CDH23: variants seen among roughly 807,000 people sequenced by gnomAD.
The protein encoded by CDH23 is cadherin related 23.
Under a neutral mutation model 317.1 loss-of-function variants are expected in CDH23, and 189 were observed. That is an observed-to-expected ratio of 0.60 (90% confidence interval 0.53 to 0.67). The LOEUF (loss-of-function observed/expected upper bound fraction) is 0.67, where lower values mean the gene tolerates loss of function less well. CDH23 is among the 30% of genes least tolerant of loss of function. The pLI is 0.00. For missense variants in CDH23, 4,401 were observed against 4,592.4 expected, an observed-to-expected ratio of 0.96 and a Z score of 1.20; for synonymous variants, 1,839 against 1,876.8, an observed-to-expected ratio of 0.98 and a Z score of 0.52.
chr10:71,514,612 AGTTT>A (rs1427612993), intron 6 of CDH23, among the ~76,000 whole-genome samples: 4 of 151,934 alleles, frequency 2.6e-5, no homozygotes, highest in African/African-American at 7.3e-5. Flanking sequence ...TGTGTGTTTG[AGTTT>A]GTTTGTTCTC....
intron 3 of CDH23, among the ~76,000 whole-genome samples, chr10:71,457,297 G>A (rs780870832): frequency 1.3e-5 from 2 of 152,176 alleles, no homozygotes; most frequent in South Asian, 2.1e-4. Flanking sequence ...TACTAGTTAG[G>A]TTACCTGCAC....
At chr10:71,683,390 G>A (rs1405026385) in intron 18 of CDH23, among the ~76,000 whole-genome samples, 1 of 152,264 alleles carries the variant, frequency 6.6e-6, no homozygotes, top group Non-Finnish European at 1.5e-5. Flanking sequence ...TCACCCTGGA[G>A]CAGACATGCT....
At chr10:71,591,653 A>G (rs1477911607) in intron 9 of CDH23, among the ~76,000 whole-genome samples, 1 of 152,218 alleles carries the variant, frequency 6.6e-6, no homozygotes, top group African/African-American at 2.4e-5. Context: ...AGTTTCATAC[A>G]TATATAGCAG....
At chr10:71,456,786 G>A (rs1421178165) in intron 3 of CDH23, among the ~76,000 whole-genome samples, 1 of 152,200 alleles carries the variant, frequency 6.6e-6, no homozygotes, top group African/African-American at 2.4e-5. Flanking sequence ...GCAAAAAAGT[G>A]AGTCTTATAA....
At chr10:71,549,441 C>T (rs963924916) in intron 6 of CDH23, among the ~76,000 whole-genome samples, 1 of 152,250 alleles carries the variant, frequency 6.6e-6, no homozygotes, top group African/African-American at 2.4e-5. Flanking sequence ...CTCTTGACCA[C>T]TGAGCTGAAC....
intron 38 of CDH23, among the ~76,000 whole-genome samples, chr10:71,760,203 A>G (rs1840324193): frequency 2.3e-5 from 1 of 44,076 alleles, no homozygotes; most frequent in African/African-American, 1.2e-4. Flanking sequence ...ATATACATAT[A>G]TATGTGTGTA....
chr10:71,515,390 TCTCTCACA>T (rs779307153), intron 6 of CDH23, among the ~76,000 whole-genome samples: 2,391 of 58,564 alleles, frequency 0.041, 30 homozygotes, highest in Non-Finnish European at 0.056. Flanking sequence ...TCTCTCTCTC[TCTCTCACA>T]CACACACACA....
In CDH23 at chr10:71,706,895, A is replaced by G. The variant is rs1865810132; in HGVS notation, c.2954-2A>G. On this transcript the variant is annotated splice_acceptor_variant, in intron 25 of 69. Coordinates refer to ENST00000224721, the MANE Select transcript of CDH23 (RefSeq NM_022124.6). LOFTEE classifies it high-confidence loss of function. ...AGCCCCGGCGCCCGTTCTGCCCCGC[A>G]GTGCTGGATGTGAACGACGAGACGC... The G allele has an allele frequency of 6.3e-7, 1 of 1,595,942 alleles. No individual in the cohort carries two copies. Among genetic ancestry groups the G allele is most frequent in the African/African-American group, 1.3e-5 (1 of 74,492 alleles).
At chr10:71,539,921 G>T (rs1425168681) in intron 6 of CDH23, among the ~76,000 whole-genome samples, 1 of 152,082 alleles carries the variant, frequency 6.6e-6, no homozygotes, top group Non-Finnish European at 1.5e-5. Flanking sequence ...CCTTTGTCTT[G>T]TTAAATGGTG....
chr10:71,430,271 C>T (rs1849307686), intron 1 of CDH23, among the ~76,000 whole-genome samples: 1 of 151,758 alleles, frequency 6.6e-6, no homozygotes, highest in Non-Finnish European at 1.5e-5. Flanking sequence ...GGATCAGGAG[C>T]CTCTGCTGTC....
intron 14 of CDH23, among the ~76,000 whole-genome samples, chr10:71,666,925 T>G (rs890307110): frequency 7.9e-5 from 12 of 152,252 alleles, no homozygotes; most frequent in African/African-American, 2.9e-4. Flanking sequence ...GCACCGGGGC[T>G]CCACAGAGCT....
intron 1 of CDH23, among the ~76,000 whole-genome samples, chr10:71,406,004 A>T (rs946401982): frequency 3.0e-5 from 4 of 133,046 alleles, no homozygotes; most frequent in East Asian, 4.4e-4. Context: ...GGAAAAAGTT[A>T]AAAAAAGCAG....
Position 71,734,281 on chromosome 10 carries a change from C to T in CDH23, c.4146C>T (p.Gly1382=), listed in dbSNP as rs201008425. 7.4e-5 allele frequency: 119 copies of T among 1,612,480 alleles called. No individual in the cohort carries two copies. The highest frequency in any genetic ancestry group is 4.5e-4 in the Admixed American group (27 of 59,888). ...AGGGCCTGGTGGACCGTGAGAAGGG[C>T]GACTTCTATACCTTGACAGTGGTGG... ...TVQGLVDREK[G]DFYTLTVVAD... The change falls in exon 33 of 70, where the codon GGC becomes GGT. Residue 1382 remains glycine, a synonymous_variant. Transcript: ENST00000224721.
intron 28 of CDH23, 123 bp downstream of exon 28, chr10:71,712,936 G>C: frequency 8.6e-7 from 1 of 1,168,186 alleles, no homozygotes; most frequent in Non-Finnish European, 1.2e-6. Context: ...GGGTGGGTCC[G>C]CTGCTCTGGA....
intron 8 of CDH23, among the ~76,000 whole-genome samples, chr10:71,573,440 G>A (rs141582717): frequency 2.0e-5 from 3 of 152,256 alleles, no homozygotes; most frequent in East Asian, 1.9e-4. Context: ...ACATTGATGC[G>A]GCTGGTCCCA....
At chr10:71,580,535 A>T (rs1858548870) in intron 9 of CDH23, among the ~76,000 whole-genome samples, 1 of 152,186 alleles carries the variant, frequency 6.6e-6, no homozygotes, top group Non-Finnish European at 1.5e-5. Flanking sequence ...ATTGATTGGT[A>T]ATGGCTGCCT....
At chr10:71,734,509 T>C (rs2132831965) in intron 33 of CDH23, 147 bp from the exon 34 acceptor site, 2 of 1,582,664 alleles carry the variant, frequency 1.3e-6, no homozygotes, top group Non-Finnish European at 1.7e-6. Context: ...TCCCAGCAGG[T>C]TGGGCTAGGA....
At chr10:71,559,839 G>A (rs1394576057) in intron 6 of CDH23, among the ~76,000 whole-genome samples, 3 of 152,240 alleles carry the variant, frequency 2.0e-5, no homozygotes, top group South Asian at 2.1e-4. Context: ...AAGAGATGTC[G>A]TCAAATTATC....
chr10:71,477,538 T>G (rs1266715199), intron 3 of CDH23, among the ~76,000 whole-genome samples: 1 of 152,166 alleles, frequency 6.6e-6, no homozygotes, highest in Non-Finnish European at 1.5e-5. Context: ...TACAATCCTT[T>G]CTTCTGGACC....
Sources: gnomAD v4.1 joint callset for allele counts (sites outside exome capture counted in the v4.1 genomes callset) on GRCh38, gnomAD v4.1.1 for gene constraint, MANE v1.5 for transcripts, NCBI Gene and HGNC (gene_info 2026-07-23, HGNC 2026-07-21) for gene names.